The following NUF2 variants were observed in gnomAD, a reference collection of about 807,000 sequenced individuals.
NUF2 encodes the protein NUF2 component of NDC80 kinetochore complex.
A neutral mutation model predicts 61.8 loss-of-function variants in NUF2; 34 were observed. That is an observed-to-expected ratio of 0.55 (90% CI 0.42 to 0.73). NUF2 has a LOEUF of 0.73. NUF2 is among the 30% of genes least tolerant of loss of function. NUF2 has a pLI of 0.00. For synonymous variants in NUF2, 172 were observed against 181.6 expected, an observed-to-expected ratio of 0.95 and a Z score of 0.42; for missense variants, 445 against 539.1, an observed-to-expected ratio of 0.83 and a Z score of 1.73.
Position 163,349,048 on chromosome 1 carries a change from G to A in NUF2, c.1228G>A (p.Asp410Asn). 1.2e-6 allele frequency: 2 copies of A among 1,610,430 alleles called. No individual in the cohort carries two copies. Among genetic ancestry groups the A allele is most frequent in the South Asian group, 2.2e-5 (2 of 89,954 alleles). ...KIKLGIQQLKDAAEREKLKSQ... is the reference protein window; with the variant it reads ...KIKLGIQQLKNAAEREKLKSQ... Reference sequence around the variant, plus strand: ...TAAACTTGGAATTCAACAACTAAAAGATGCTGCTGAAAGGGAGAAACTGAA... The same window carrying A: ...TAAACTTGGAATTCAACAACTAAAAAATGCTGCTGAAAGGGAGAAACTGAA... Residue 410 changes from aspartate to asparagine, a missense_variant, in exon 13 of 14, where the codon GAT becomes AAT. Transcript: ENST00000271452.
Position 163,328,833 on chromosome 1 carries a change from C to T in NUF2, c.276-13C>T. 2.6e-6 allele frequency: 4 copies of T among 1,565,140 alleles called. No homozygotes were observed. The highest frequency in any genetic ancestry group is 1.7e-4 in the Middle Eastern group (1 of 5,972). ...AATACTTTTCAATAGTCTTTTTGTA[C>T]TTCATCTTCAAGGGACTCATTTTTG... On this transcript the variant is annotated splice_polypyrimidine_tract_variant and intron_variant, in intron 4 of 13. Transcript: ENST00000271452.
In NUF2 at chr1:163,351,767, C is replaced by CT. The variant is rs1380536505; in HGVS notation, c.1260+2689dup. Among the ~76,000 whole-genome samples, 5 of 152,278 alleles carry CT rather than the reference C, an allele frequency of 3.3e-5. No individual in the cohort carries two copies. In the East Asian group the frequency reaches 9.6e-4, roughly 29 times the overall value. On this transcript the variant is annotated intron_variant, in intron 13 of 13. Coordinates refer to ENST00000271452, the MANE Select transcript of NUF2 (RefSeq NM_145697.3). The stretch of plus-strand genomic sequence containing the variant: ...AAATACTTTTTGTCAAAGAACTCTT[C>CT]TTAGCTTACTTTATAATCATCCTTC...
At position 163,345,769 on chromosome 1, in the gene NUF2, T is replaced by C. The variant is rs1365323203; in HGVS notation, c.899T>C (p.Ile300Thr). 2.5e-6 allele frequency: 4 copies of C among 1,610,208 alleles called. No homozygotes were observed. The highest frequency in any genetic ancestry group is 3.3e-5 in the Admixed American group (2 of 59,862). The change falls in exon 11 of 14, where the codon ATA becomes ACA. Residue 300 changes from isoleucine to threonine, a missense_variant. Physicochemically the swap from Ile to Thr is moderately conservative, Grantham distance 89. Transcript: ENST00000271452. ...QLEVQLYQKKIQDLSDNREKL... is the reference protein window; with the variant it reads ...QLEVQLYQKKTQDLSDNREKL... ...GAAGTGCAGTTATATCAAAAGAAAA[T>C]ACAGGACCTTTCAGATAATAGGGAA...
At chr1:163,339,547 G>A in intron 8 of NUF2, 70 bp downstream of exon 8, 1 of 842,228 alleles carries the variant, frequency 1.2e-6, no homozygotes, top group Non-Finnish European at 2.0e-6. Flanking sequence ...GACATATAGT[G>A]GAGGTAACAG....
intron 13 of NUF2, among the ~76,000 whole-genome samples, chr1:163,353,246 C>T (rs1362947550): frequency 4.4e-5 from 5 of 113,752 alleles, no homozygotes; most frequent in African/African-American, 1.5e-4. Flanking sequence ...ATACAAAGTA[C>T]CCAATAATAT....
chr1:163,322,318 G>T (rs569850608), intron 1 of NUF2, 106 bp downstream of exon 1: 3 of 152,356 alleles, frequency 2.0e-5, no homozygotes, highest in Admixed American at 2.0e-4. Context: ...AGCATAGACC[G>T]AAGAAGACGA....
intron 5 of NUF2, among the ~76,000 whole-genome samples, chr1:163,330,967 A>G (rs1259863532): frequency 6.7e-6 from 1 of 149,216 alleles, no homozygotes; most frequent in Non-Finnish European, 1.5e-5. Context: ...TTCCTTATTG[A>G]CAATTCTCAA....
At chr1:163,334,314 C>G (rs1252876796) in intron 5 of NUF2, among the ~76,000 whole-genome samples, 1 of 152,072 alleles carries the variant, frequency 6.6e-6, no homozygotes, top group African/African-American at 2.4e-5. Flanking sequence ...TGATTTCTTT[C>G]TTAAAGGGAT....
At chr1:163,353,005 C>G (rs183029894) in intron 13 of NUF2, among the ~76,000 whole-genome samples, 9 of 152,320 alleles carry the variant, frequency 5.9e-5, no homozygotes, top group African/African-American at 2.2e-4. Context: ...CACTCTCAGT[C>G]TATTCCAAAT....
intron 9 of NUF2, 151 bp from the exon 10 acceptor site, chr1:163,343,582 T>G: frequency 2.8e-6 from 1 of 360,592 alleles, no homozygotes; most frequent in Non-Finnish European, 5.1e-6. Context: ...TAGACAAATG[T>G]GAGCAATTAA....
chr1:163,326,861 A>G (rs1193334633), intron 2 of NUF2, among the ~76,000 whole-genome samples: 1 of 152,144 alleles, frequency 6.6e-6, no homozygotes, highest in Non-Finnish European at 1.5e-5. Context: ...AGCTTTCTTA[A>G]AAGATTACCA....
At chr1:163,324,816 TAAACATA>T (rs1385074975) in intron 1 of NUF2, among the ~76,000 whole-genome samples, 9 of 152,120 alleles carry the variant, frequency 5.9e-5, no homozygotes, top group African/African-American at 2.2e-4. Flanking sequence ...CAGAGTTCTT[TAAACATA>T]ATTCCAGTAC....
chr1:163,350,251 G>A (rs546383665), intron 13 of NUF2, among the ~76,000 whole-genome samples: 1 of 151,234 alleles, frequency 6.6e-6, no homozygotes, highest in Admixed American at 6.6e-5. Flanking sequence ...GCAGTGAGCT[G>A]AGATCGCACC....
intron 5 of NUF2, among the ~76,000 whole-genome samples, chr1:163,329,999 ACAGTGAAAAGAT>A (rs1191208550): frequency 2.0e-5 from 3 of 152,188 alleles, no homozygotes; most frequent in Non-Finnish European, 4.4e-5. Flanking sequence ...TATTGTGGAG[ACAGTGAAAAGAT>A]CAGTGGAAAC....
At chr1:163,324,208 TTTC>T (rs1650337705) in intron 1 of NUF2, among the ~76,000 whole-genome samples, 1 of 152,190 alleles carries the variant, frequency 6.6e-6, no homozygotes, top group Non-Finnish European at 1.5e-5. Context: ...GTGTAATAGC[TTTC>T]TTCATGTTTT....
intron 3 of NUF2, chr1:163,327,829 A>G: frequency 2.4e-6 from 1 of 420,510 alleles, no homozygotes; most frequent in Admixed American, 4.1e-5. Flanking sequence ...CAATTGTTAT[A>G]GATTTATAGG....
In NUF2 at chr1:163,349,066, A is replaced by G; in HGVS notation, c.1246A>G (p.Lys416Glu). 1 of 1,606,236 alleles carries G rather than the reference A, an allele frequency of 6.2e-7. No homozygotes were observed. The highest frequency in any genetic ancestry group is 2.2e-5 in the East Asian group (1 of 44,718). The change falls in exon 13 of 14, where the codon AAA (lysine) becomes GAA (glutamate). Residue 416 changes from lysine (K) to glutamate (E), a missense_variant. Coordinates refer to ENST00000271452, the MANE Select transcript of NUF2 (RefSeq NM_145697.3). ...QQLKDAAERE[K>E]LKSQEIFLNL... ...ACTAAAAGATGCTGCTGAAAGGGAG[A>G]AACTGAAGTCCCAGGTGAATATGTG...
intron 11 of NUF2, 74 bp downstream of exon 11, chr1:163,345,892 T>C: frequency 9.3e-7 from 1 of 1,077,050 alleles, no homozygotes; most frequent in Non-Finnish European, 1.3e-6. Flanking sequence ...TTGCTTTCAC[T>C]TTTTGTTATG....
chr1:163,342,233 T>A (rs1193558424), intron 9 of NUF2, among the ~76,000 whole-genome samples: 2 of 152,166 alleles, frequency 1.3e-5, no homozygotes, highest in African/African-American at 2.4e-5. Context: ...TATTTTTCTA[T>A]CTTTTTTTTT....
Sources: allele counts gnomAD v4.1 joint callset (sites outside exome capture counted in the v4.1 genomes callset), GRCh38; gene constraint gnomAD v4.1.1; transcripts MANE v1.5; gene names NCBI Gene and HGNC (gene_info 2026-07-23, HGNC 2026-07-21).